MYRFL: variants seen among roughly 807,000 people sequenced by gnomAD.
MYRFL encodes myelin regulatory factor-like protein.
In MYRFL, 88 loss-of-function variants were observed where a neutral mutation model predicts 109.4. The observed-to-expected ratio is 0.80, with a 90% CI of 0.68 to 0.96. The LOEUF (loss-of-function observed/expected upper bound fraction) is 0.96, where lower values mean the gene tolerates loss of function less well. Ranked by LOEUF, MYRFL falls within the 40% of genes least tolerant of loss-of-function variation. The pLI, the probability that MYRFL is intolerant of heterozygous loss-of-function variation, is 0.00. For synonymous variants in MYRFL, 324 were observed against 320.9 expected (o/e 1.01, Z -0.10); for missense variants, 957 against 954.9 (o/e 1.00, Z -0.03).
intron 16 of MYRFL, among the ~76,000 whole-genome samples, chr12:69,932,889 G>T (rs200382365): frequency 7.4e-6 from 1 of 135,646 alleles, no homozygotes; most frequent in Admixed American, 7.9e-5. Context: ...GTGTTTGTGT[G>T]TGTGTGTGTG....
intron 13 of MYRFL, among the ~76,000 whole-genome samples, chr12:69,915,649 C>T (rs559625663): frequency 6.6e-6 from 1 of 152,228 alleles, no homozygotes; most frequent in Non-Finnish European, 1.5e-5. Context: ...TGCCTCTTCT[C>T]ATATATTCCC....
At chr12:69,955,846 GAAA>G (rs747692000) in intron 22 of MYRFL, among the ~76,000 whole-genome samples, 1 of 98,012 alleles carries the variant, frequency 1.0e-5, no homozygotes, top group Non-Finnish European at 2.2e-5. Context: ...CCAAAAGACA[GAAA>G]AAAAAAAAAA....
At chr12:69,940,668 A>G (rs1301935223) in intron 19 of MYRFL, among the ~76,000 whole-genome samples, 1 of 152,008 alleles carries the variant, frequency 6.6e-6, no homozygotes, top group Non-Finnish European at 1.5e-5. Context: ...GACAGGATCA[A>G]ATTCATACAT....
At chr12:69,958,171 T>C in intron 23 of MYRFL, 78 bp from the exon 24 acceptor site, 1 of 1,305,430 alleles carries the variant, frequency 7.7e-7, no homozygotes, top group Non-Finnish European at 1.1e-6. Flanking sequence ...ATTGAGGAAA[T>C]GCTTTTTCAG....
intron 1 of MYRFL, among the ~76,000 whole-genome samples, chr12:69,835,186 A>G (rs1882861867): frequency 6.6e-6 from 1 of 152,220 alleles, no homozygotes; most frequent in Non-Finnish European, 1.5e-5. Flanking sequence ...GGGGTGGTAT[A>G]AAATTCATAC....
chr12:69,939,544 A>C (rs1955577243), intron 19 of MYRFL, among the ~76,000 whole-genome samples: 1 of 152,186 alleles, frequency 6.6e-6, no homozygotes, highest in South Asian at 2.1e-4. Context: ...CCATCTGTAC[A>C]TCACCATCAT....
intron 1 of MYRFL, among the ~76,000 whole-genome samples, chr12:69,837,042 TA>T (rs1261400476): frequency 9.4e-4 from 140 of 148,432 alleles, no homozygotes; most frequent in Admixed American, 2.5e-3. Context: ...TTCACACATT[TA>T]AAAAAAAAAA....
chr12:69,927,706 T>C lies in MYRFL; in HGVS notation c.1788T>C (p.Ser596=). ...STISKSSRAV[S]ASSPRRAVHK... Reference sequence around the variant, plus strand: ...AAAGCAAATCTAGCAGAGCCGTTAGTGCATCTTCTCCAAGAAGGGCCGTTC... The same window carrying C: ...AAAGCAAATCTAGCAGAGCCGTTAGCGCATCTTCTCCAAGAAGGGCCGTTC... Residue 596 remains serine, a synonymous_variant, in exon 15 of 25, where the codon AGT becomes AGC. Transcript: ENST00000552032. 6.5e-7 allele frequency: 1 copy of C among 1,534,082 alleles called. No homozygotes were observed. Among genetic ancestry groups the C allele is most frequent in the Non-Finnish European group, 8.7e-7 (1 of 1,146,522 alleles).
At chr12:69,886,362 TG>T (rs1886450150) in intron 5 of MYRFL, among the ~76,000 whole-genome samples, 1 of 152,168 alleles carries the variant, frequency 6.6e-6, no homozygotes, top group South Asian at 2.1e-4. Context: ...TCAAACCTCA[TG>T]GAGAAGAGTG....
chr12:69,873,560 G>A (rs1012468559), intron 2 of MYRFL, among the ~76,000 whole-genome samples: 3 of 152,154 alleles, frequency 2.0e-5, no homozygotes, highest in Admixed American at 6.5e-5. Context: ...ATGTGATATC[G>A]TGGCAGGAAA....
At chr12:69,915,720 G>C (rs903806764) in intron 13 of MYRFL, among the ~76,000 whole-genome samples, 1 of 152,076 alleles carries the variant, frequency 6.6e-6, no homozygotes. Context: ...GAGGGATTGG[G>C]AGTGACACTG....
chr12:69,829,489 G>C (rs1053499764), intron 1 of MYRFL, among the ~76,000 whole-genome samples: 1 of 151,778 alleles, frequency 6.6e-6, no homozygotes, highest in Non-Finnish European at 1.5e-5. Context: ...CAGAATTGCT[G>C]TGTAGAGGAG....
intron 1 of MYRFL, among the ~76,000 whole-genome samples, chr12:69,834,535 C>G (rs1882822451): frequency 6.6e-6 from 1 of 152,148 alleles, no homozygotes; most frequent in African/African-American, 2.4e-5. Flanking sequence ...CACCTACCCT[C>G]TTACGGTTGT....
At position 69,958,604 on chromosome 12, in the gene MYRFL, G is replaced by T; in HGVS notation, c.*73G>T. Reference sequence around the variant, plus strand: ...ATTTAACAGAAACGAACATCCTCTTGCAACTTCTTTTTTCTTCTTTGTAAA... The same window carrying T: ...ATTTAACAGAAACGAACATCCTCTTTCAACTTCTTTTTTCTTCTTTGTAAA... On this transcript the variant is annotated 3_prime_UTR_variant, in exon 25 of 25. Coordinates refer to ENST00000552032, the MANE Select transcript of MYRFL (RefSeq NM_182530.3). The T allele has an allele frequency of 8.9e-7, 1 of 1,117,662 alleles. No individual in the cohort carries two copies. The highest frequency in any genetic ancestry group is 1.3e-6 in the Non-Finnish European group (1 of 795,154). The allele number at this position is 1,117,662 out of a possible 1,614,324, so 69.2% of individuals were successfully genotyped here. A position where few individuals can be genotyped will look rare whatever the true frequency, so the allele number is the denominator to read the frequency against.
At chr12:69,908,986 C>A (rs1214650218) in intron 11 of MYRFL, among the ~76,000 whole-genome samples, 1 of 152,118 alleles carries the variant, frequency 6.6e-6, no homozygotes, top group African/African-American at 2.4e-5. Context: ...CATCATTTAG[C>A]CCTCAGTTAT....
Position 69,886,742 on chromosome 12 carries a change from A to C in MYRFL, c.557-78A>C. On this transcript the variant is annotated intron_variant, in intron 5 of 24. Transcript: ENST00000552032. ...ACTCTGCCTTACACATGGCCCACTC[A>C]TCAGCTTCATGCTGCTAGCTGTGAG... is the stretch of plus-strand genomic sequence containing the variant. 2.0e-6 allele frequency: 3 copies of C among 1,499,058 alleles called. No homozygotes were observed. In the South Asian group the frequency reaches 3.8e-5, roughly 19 times the overall value. 92.9% of individuals were successfully genotyped at this position (1,499,058 alleles called of 1,614,324 possible).
chr12:69,900,897 C>G (rs935182194), intron 10 of MYRFL, among the ~76,000 whole-genome samples: 3 of 152,172 alleles, frequency 2.0e-5, no homozygotes, highest in Non-Finnish European at 2.9e-5. Context: ...GCAGATGAAG[C>G]AATTATAGGT....
intron 8 of MYRFL, among the ~76,000 whole-genome samples, chr12:69,894,159 G>C (rs934259283): frequency 1.3e-5 from 2 of 151,730 alleles, no homozygotes; most frequent in African/African-American, 4.8e-5. Flanking sequence ...ACCATGCCTG[G>C]CTAATTTTTT....
intron 13 of MYRFL, among the ~76,000 whole-genome samples, chr12:69,925,434 A>G (rs1453060086): frequency 1.3e-5 from 2 of 152,200 alleles, no homozygotes; most frequent in East Asian, 3.8e-4. Flanking sequence ...GATGATAAGA[A>G]TCTCAAAGGC....
Sources: gnomAD v4.1 joint callset for allele counts (sites outside exome capture counted in the v4.1 genomes callset) on GRCh38, gnomAD v4.1.1 for gene constraint, MANE v1.5 for transcripts, NCBI Gene and HGNC (gene_info 2026-07-23, HGNC 2026-07-21) for gene names.